ZNF679: variants seen among roughly 807,000 people sequenced by gnomAD.
The protein encoded by ZNF679 is zinc finger protein 679, also known as hypothetical protein MGC42415.
Under a neutral mutation model 13.4 loss-of-function variants are expected in ZNF679, and 10 were observed. The ratio of observed to expected loss-of-function variants is 0.75; its 90% CI spans 0.46 to 1.27. The LOEUF is 1.27. ZNF679 is among the 50% of genes most tolerant of loss of function. The pLI, the probability that ZNF679 is intolerant of heterozygous loss-of-function variation, is 0.00. For missense variants in ZNF679, 525 were observed against 477.8 expected, an observed-to-expected ratio of 1.10 and a Z score of -0.92; for synonymous variants, 179 against 162.5, an observed-to-expected ratio of 1.10 and a Z score of -0.77.
chr7:64,242,867 G>A (rs957548944), intron 1 of ZNF679, among the ~76,000 whole-genome samples: 3 of 151,858 alleles, frequency 2.0e-5, no homozygotes, highest in African/African-American at 4.8e-5. Context: ...CCGGGTATAA[G>A]AGCCATTGCT....
intron 1 of ZNF679, among the ~76,000 whole-genome samples, chr7:64,237,446 G>A (rs549884951): frequency 2.0e-5 from 3 of 152,256 alleles, no homozygotes; most frequent in East Asian, 1.9e-4. Flanking sequence ...CCCTGAACCC[G>A]GATGAGACAT....
rs999093083 is a variant in ZNF679, at chr7:64,234,859, A to G, written c.-91+6207A>G. On this transcript the variant is annotated intron_variant, in intron 1 of 4. Transcript: ENST00000421025. ...TCATATAATATACTTTTTTTTCAAG[A>G]CAGAGTCTCGCTCTGTCACCCAGGC... 2.0e-4 allele frequency among the ~76,000 whole-genome samples: 31 copies of G among 151,970 alleles called. 1 individual carries two copies. Among genetic ancestry groups the G allele is most frequent in the African/African-American group, 7.5e-4 (31 of 41,390 alleles).
rs757009191 is a variant in ZNF679, at chr7:64,265,962, T to G, written c.329T>G (p.Val110Gly). The G allele has an allele frequency of 3.7e-6, 6 of 1,613,660 alleles. No individual in the cohort carries two copies. The East Asian group carries it at 1.3e-4, about 36-fold the overall frequency. Residue 110 changes from valine to glycine, a missense_variant, in exon 5 of 5, where the codon GTA becomes GGA. Transcript: ENST00000421025. Reference sequence around the variant, plus strand: ...GGCATAAAAGATTCACTCCAAAAAGTAATACCAAGAAGATATGGAAAAAGT... The same window carrying G: ...GGCATAAAAGATTCACTCCAAAAAGGAATACCAAGAAGATATGGAAAAAGT... The part of the protein sequence containing the change: ...ELGIKDSLQK[V>G]IPRRYGKSGH...
chr7:64,249,707 T>C (rs1210054505), intron 2 of ZNF679, among the ~76,000 whole-genome samples: 2 of 152,218 alleles, frequency 1.3e-5, no homozygotes, highest in African/African-American at 4.8e-5. Context: ...ATTCAGTAAC[T>C]GCTTTGGTAA....
At chr7:64,263,518 A>G (rs925511374) in intron 4 of ZNF679, among the ~76,000 whole-genome samples, 1 of 152,168 alleles carries the variant, frequency 6.6e-6, no homozygotes, top group Non-Finnish European at 1.5e-5. Flanking sequence ...TTGAAATGTA[A>G]TCTCCAGTGT....
chr7:64,266,436 A>G lies in ZNF679; in HGVS notation c.803A>G (p.Tyr268Cys). Residue 268 changes from tyrosine (Y) to cysteine (C), a missense_variant, in exon 5 of 5, where the codon TAC becomes TGC. Transcript: ENST00000421025. ...AGAATTCATACTGGAGAAAAACCCT[A>G]CACATGTGAAGAATGTGGCCAAGCC... ...HRRIHTGEKP[Y>C]TCEECGQAFS... is the part of the protein sequence containing the mutation. 6.2e-7 allele frequency: 1 copy of G among 1,611,866 alleles called. No homozygotes were observed. The highest frequency in any genetic ancestry group is 8.5e-7 in the Non-Finnish European group (1 of 1,179,144).
At position 64,266,664 on chromosome 7, in the gene ZNF679, T is replaced by G. The variant is rs774889355; in HGVS notation, c.1031T>G (p.Ile344Arg). ...TCCTCAACCCTTAAGAAACATAAGA[T>G]AATTCATACTGGAGAGAAACCCTAC... ...NCSSTLKKHK[I>R]IHTGEKPYKC... The change falls in exon 5 of 5, where the codon ATA becomes AGA. Residue 344 changes from isoleucine to arginine, a missense_variant. Transcript: ENST00000421025. 8.1e-6 allele frequency: 13 copies of G among 1,612,710 alleles called. No homozygotes were observed. Among genetic ancestry groups the G allele is most frequent in the Non-Finnish European group, 1.0e-5 (12 of 1,179,672 alleles).
At chr7:64,250,265 GTTTTTT>G (rs11434714) in intron 2 of ZNF679, among the ~76,000 whole-genome samples, 47 of 91,324 alleles carry the variant, frequency 5.1e-4, no homozygotes, top group African/African-American at 1.8e-3. Flanking sequence ...CTTTCCCTTG[GTTTTTT>G]TTTTTTTTTT....
At chr7:64,235,621 T>C (rs914655180) in intron 1 of ZNF679, among the ~76,000 whole-genome samples, 1 of 151,988 alleles carries the variant, frequency 6.6e-6, no homozygotes, top group African/African-American at 2.4e-5. Flanking sequence ...AAACCCTGTC[T>C]TTACTAAAAC....
chr7:64,229,478 G>C (rs1787606918), intron 1 of ZNF679, among the ~76,000 whole-genome samples: 1 of 152,014 alleles, frequency 6.6e-6, no homozygotes, highest in South Asian at 2.1e-4. Context: ...TTCCAACTGT[G>C]GTCTGCATCC....
intron 1 of ZNF679, among the ~76,000 whole-genome samples, chr7:64,239,272 A>T (rs1787763923): frequency 2.6e-5 from 4 of 152,156 alleles, no homozygotes; most frequent in Admixed American, 2.6e-4. Context: ...AGGTTGTGAC[A>T]CCCCTACTGG....
At chr7:64,265,143 C>T (rs755558347) in intron 4 of ZNF679, among the ~76,000 whole-genome samples, 26 of 151,960 alleles carry the variant, frequency 1.7e-4, no homozygotes, top group Non-Finnish European at 3.1e-4. Context: ...GTTTTGTATA[C>T]ATTGTAATCT....
At chr7:64,243,322 C>T (rs1787822314) in intron 1 of ZNF679, among the ~76,000 whole-genome samples, 1 of 152,088 alleles carries the variant, frequency 6.6e-6, no homozygotes, top group Non-Finnish European at 1.5e-5. Flanking sequence ...GGGAGAGTCC[C>T]ATCAACTAGG....
At chr7:64,239,712 A>C (rs1331140231) in intron 1 of ZNF679, among the ~76,000 whole-genome samples, 1 of 152,062 alleles carries the variant, frequency 6.6e-6, no homozygotes, top group Non-Finnish European at 1.5e-5. Context: ...TGACTGTCCT[A>C]TCTTATTTGT....
At chr7:64,258,444 T>C (rs897807675) in intron 2 of ZNF679, among the ~76,000 whole-genome samples, 11 of 152,090 alleles carry the variant, frequency 7.2e-5, no homozygotes, top group Non-Finnish European at 4.4e-5. Flanking sequence ...GGCTTACGCA[T>C]ATAATCCCAA....
intron 1 of ZNF679, among the ~76,000 whole-genome samples, chr7:64,247,656 C>T (rs1240310521): frequency 6.6e-6 from 1 of 152,052 alleles, no homozygotes; most frequent in South Asian, 2.1e-4. Flanking sequence ...TGGGTTCAGG[C>T]GATTCTCCTG....
At position 64,266,473 on chromosome 7, in the gene ZNF679, C is replaced by T. The variant is rs756791287; in HGVS notation, c.840C>T (p.Ser280=). The T allele has an allele frequency of 6.2e-7, 1 of 1,613,612 alleles. No homozygotes were observed. Among genetic ancestry groups the T allele is most frequent in the Admixed American group, 1.7e-5 (1 of 59,950 alleles). Residue 280 remains serine, a synonymous_variant, in exon 5 of 5, where the codon TCC becomes TCT. Transcript: ENST00000421025. The part of the protein sequence containing the change: ...CEECGQAFSR[S]STLANHKRIH... ...AATGTGGCCAAGCCTTTAGCCGCTC[C>T]TCAACACTTGCTAACCACAAGAGAA...
At chr7:64,247,252 C>A (rs983271404) in intron 1 of ZNF679, among the ~76,000 whole-genome samples, 1 of 152,096 alleles carries the variant, frequency 6.6e-6, no homozygotes, top group Non-Finnish European at 1.5e-5. Flanking sequence ...CCTATTTATC[C>A]TCTGACTTAG....
chr7:64,257,609 C>T (rs889525598), intron 2 of ZNF679, among the ~76,000 whole-genome samples: 1 of 152,188 alleles, frequency 6.6e-6, no homozygotes, highest in African/African-American at 2.4e-5. Context: ...ATAGTACCTG[C>T]TTAATAAACA....
Sources: gnomAD v4.1 joint callset for allele counts (sites outside exome capture counted in the v4.1 genomes callset) on GRCh38, gnomAD v4.1.1 for gene constraint, MANE v1.5 for transcripts, NCBI Gene and HGNC (gene_info 2026-07-23, HGNC 2026-07-21) for gene names.